Variants in FCHSD2 observed in about 807,000 individuals in gnomAD.
FCHSD2 encodes F-BAR and double SH3 domains protein 2.
Under a neutral mutation model 108.1 loss-of-function variants are expected in FCHSD2, and 38 were observed. That is an observed-to-expected ratio of 0.35 (90% CI 0.27 to 0.46). The LOEUF (loss-of-function observed/expected upper bound fraction) is 0.46, where lower values mean the gene tolerates loss of function less well. Among genes scored for constraint, FCHSD2 ranks in the 20% least tolerant of loss-of-function variants. The pLI is 1.00. For missense variants in FCHSD2, 751 were observed against 897.8 expected (o/e 0.84, Z 2.09); for synonymous variants, 279 against 314.7 (o/e 0.89, Z 1.20).
At chr11:72,970,403 T>G (rs1565347627) in intron 8 of FCHSD2, among the ~76,000 whole-genome samples, 1 of 152,110 alleles carries the variant, frequency 6.6e-6, no homozygotes, top group African/African-American at 2.4e-5. Context: ...TGGAAAAATA[T>G]CATGTGTTAT....
chr11:73,141,078 T>C lies in FCHSD2; in HGVS notation c.21+779A>G, dbSNP rs1347609796. On this transcript the variant is annotated intron_variant, in intron 1 of 19. Coordinates refer to ENST00000409418, the MANE Select transcript of FCHSD2 (RefSeq NM_014824.3). The stretch of plus-strand genomic sequence containing the variant: ...AGAGTAGACATTCAGTATCCATCTG[T>C]AGGATTAAAAAGACAAGGACACAGC... 3.9e-5 allele frequency: 6 copies of C among 152,198 alleles called. No individual in the cohort carries two copies. In the East Asian group the frequency reaches 9.6e-4, roughly 24 times the overall value. 9.4% of individuals were successfully genotyped at this position (152,198 alleles called of 1,614,324 possible).
At chr11:73,045,298 G>A (rs1185128962) in intron 3 of FCHSD2, among the ~76,000 whole-genome samples, 1 of 150,742 alleles carries the variant, frequency 6.6e-6, no homozygotes, top group Non-Finnish European at 1.5e-5. Flanking sequence ...GGAGAAATAG[G>A]AACACTTTTA....
intron 13 of FCHSD2, among the ~76,000 whole-genome samples, chr11:72,861,303 TAA>T (rs999436035): frequency 1.3e-5 from 2 of 151,328 alleles, no homozygotes; most frequent in Non-Finnish European, 2.9e-5. Context: ...ACAAATTCCT[TAA>T]AAGAGACAAC....
intron 4 of FCHSD2, among the ~76,000 whole-genome samples, chr11:73,014,628 A>C (rs944785042): frequency 6.6e-6 from 1 of 152,086 alleles, no homozygotes; most frequent in Non-Finnish European, 1.5e-5. Context: ...CTGACAATTC[A>C]ACAGCTTGAT....
intron 11 of FCHSD2, among the ~76,000 whole-genome samples, chr11:72,888,127 C>T (rs557597426): frequency 1.8e-4 from 27 of 151,976 alleles, no homozygotes; most frequent in African/African-American, 6.5e-4. Flanking sequence ...AACAAGATAG[C>T]CAAGTATAGG....
intron 13 of FCHSD2, among the ~76,000 whole-genome samples, chr11:72,855,755 T>C (rs1295925350): frequency 1.3e-5 from 2 of 152,142 alleles, no homozygotes; most frequent in East Asian, 1.9e-4. Context: ...GGCACTTACC[T>C]AGAGCACTGT....
At chr11:73,020,616 AG>A (rs1427971836) in intron 3 of FCHSD2, among the ~76,000 whole-genome samples, 1 of 152,062 alleles carries the variant, frequency 6.6e-6, no homozygotes, top group Non-Finnish European at 1.5e-5. Flanking sequence ...CCCATCCTAA[AG>A]GAAAGTTTTA....
intron 3 of FCHSD2, among the ~76,000 whole-genome samples, chr11:73,045,864 A>G (rs1858751117): frequency 6.6e-6 from 1 of 152,094 alleles, no homozygotes; most frequent in Non-Finnish European, 1.5e-5. Flanking sequence ...ACATGTATAC[A>G]TATGTAACTA....
At chr11:73,015,636 GATT>G (rs979374304) in intron 4 of FCHSD2, among the ~76,000 whole-genome samples, 170 bp downstream of exon 4, 7 of 152,040 alleles carry the variant, frequency 4.6e-5, no homozygotes, top group Middle Eastern at 3.4e-3. Context: ...ATCTATTTTA[GATT>G]ATTTAATGTT....
At chr11:73,096,782 G>A (rs573653718) in intron 2 of FCHSD2, among the ~76,000 whole-genome samples, 15 of 150,950 alleles carry the variant, frequency 9.9e-5, no homozygotes, top group African/African-American at 3.2e-4. Context: ...AGCCTAGACC[G>A]TGTCACTACA....
At chr11:72,883,800 A>G (rs1855138151) in intron 12 of FCHSD2, among the ~76,000 whole-genome samples, 1 of 151,964 alleles carries the variant, frequency 6.6e-6, no homozygotes, top group Non-Finnish European at 1.5e-5. Flanking sequence ...GGCATGGTGG[A>G]GTGCGCCTGT....
intron 12 of FCHSD2, among the ~76,000 whole-genome samples, chr11:72,878,516 C>G (rs1232903364): frequency 6.6e-6 from 1 of 152,076 alleles, no homozygotes; most frequent in Non-Finnish European, 1.5e-5. Context: ...TAAGTCTGGG[C>G]AGGAAAAATA....
chr11:72,995,954 T>C (rs1286338689), intron 5 of FCHSD2, among the ~76,000 whole-genome samples: 1 of 152,048 alleles, frequency 6.6e-6, no homozygotes, highest in African/African-American at 2.4e-5. Context: ...AACCCAGTTG[T>C]ATAATTAAAG....
chr11:72,842,224 A>AC (rs1860979145), intron 17 of FCHSD2, among the ~76,000 whole-genome samples: 1 of 152,222 alleles, frequency 6.6e-6, no homozygotes, highest in Non-Finnish European at 1.5e-5. Context: ...CAGGACCTGG[A>AC]CTAGGCAAGG....
intron 2 of FCHSD2, among the ~76,000 whole-genome samples, chr11:73,091,943 G>A (rs140502810): frequency 0.013 from 2,039 of 152,106 alleles, 47 homozygotes; most frequent in African/African-American, 0.045. Flanking sequence ...GCTGAGGCAG[G>A]AGAATTGTTT....
Position 72,946,934 on chromosome 11 carries a change from G to A in FCHSD2, c.706-24984C>T, listed in dbSNP as rs535390549. 2.0e-5 allele frequency among the ~76,000 whole-genome samples: 3 copies of A among 152,296 alleles called. No homozygotes were observed. The South Asian group carries it at 6.2e-4, about 32-fold the overall frequency. On this transcript the variant is annotated intron_variant, in intron 8 of 19. Coordinates refer to ENST00000409418, the MANE Select transcript of FCHSD2 (RefSeq NM_014824.3). ...CTGCCTGCCAACAAGGCAGCACCAG[G>A]TGCCCCTCTTTGTGGGACTAGTCTT... is the stretch of plus-strand genomic sequence containing the variant.
intron 9 of FCHSD2, among the ~76,000 whole-genome samples, chr11:72,919,821 C>T (rs954128390): frequency 3.3e-5 from 5 of 151,114 alleles, no homozygotes; most frequent in East Asian, 1.9e-4. Flanking sequence ...GAATAAATGT[C>T]GTTGGATTAA....
At chr11:73,074,441 T>C (rs1468232140) in intron 3 of FCHSD2, among the ~76,000 whole-genome samples, 1 of 152,010 alleles carries the variant, frequency 6.6e-6, no homozygotes, top group African/African-American at 2.4e-5. Context: ...CAATACAATA[T>C]CACATACGAA....
intron 3 of FCHSD2, among the ~76,000 whole-genome samples, chr11:73,068,220 TTTC>T (rs1236745358): frequency 6.6e-6 from 1 of 151,972 alleles, no homozygotes; most frequent in Non-Finnish European, 1.5e-5. Context: ...GAAGAAATAA[TTTC>T]TTCTTTAAAA....
Sources: gnomAD v4.1 joint callset for allele counts (sites outside exome capture counted in the v4.1 genomes callset) on GRCh38, gnomAD v4.1.1 for gene constraint, MANE v1.5 for transcripts, NCBI Gene and HGNC (gene_info 2026-07-23, HGNC 2026-07-21) for gene names.